RTTN: variants seen among roughly 807,000 people sequenced by gnomAD.
RTTN encodes the protein rotatin.
A neutral mutation model predicts 269.2 loss-of-function variants in RTTN; 182 were observed. The ratio of observed to expected loss-of-function variants is 0.68; its 90% CI spans 0.60 to 0.76. RTTN has a LOEUF of 0.76. Ranked by LOEUF, RTTN falls within the 30% of genes least tolerant of loss-of-function variation. The pLI is 0.00. For synonymous variants in RTTN, 1,006 were observed against 963.5 expected (o/e 1.04, Z -0.82); for missense variants, 2,545 against 2,608.6 (o/e 0.98, Z 0.53).
At chr18:70,030,186 T>C in intron 41 of RTTN, 77 bp from the exon 42 acceptor site, 1 of 939,058 alleles carries the variant, frequency 1.1e-6, no homozygotes, top group Non-Finnish European at 1.6e-6. Context: ...CCAATCAGAT[T>C]CTCAAAAAGG....
chr18:70,148,810 T>G, intron 17 of RTTN, 91 bp downstream of exon 17: 3 of 1,494,158 alleles, frequency 2.0e-6, no homozygotes, highest in South Asian at 2.4e-5. Flanking sequence ...TTAAAAATTC[T>G]TTAGTTTTGT....
At chr18:70,080,257 A>G (rs2058530201) in intron 32 of RTTN, among the ~76,000 whole-genome samples, 2 of 152,158 alleles carry the variant, frequency 1.3e-5, no homozygotes, top group South Asian at 4.1e-4. Context: ...ATGACACCCC[A>G]GGAACAATGA....
At position 70,193,329 on chromosome 18, in the gene RTTN, TCGC is replaced by T; in HGVS notation, c.963_965del (p.Arg322del). 4 of 1,611,308 alleles carry T rather than the reference TCGC, an allele frequency of 2.5e-6. No homozygotes were observed. Among genetic ancestry groups the T allele is most frequent in the Non-Finnish European group, 3.4e-6 (4 of 1,178,770 alleles). ...CCCAGTCCTGGCCATCTCCTCTGGGTCGCTGGCCTGTGCGCCCAACCACAGAAG... is the reference window on the plus strand; with the variant it reads ...CCCAGTCCTGGCCATCTCCTCTGGGTTGGCCTGTGCGCCCAACCACAGAAG... On this transcript the variant is annotated inframe_deletion, in exon 8 of 49. Coordinates refer to ENST00000640769, the MANE Select transcript of RTTN (RefSeq NM_173630.4).
At chr18:70,147,034 A>C (rs2060411980) in intron 17 of RTTN, among the ~76,000 whole-genome samples, 1 of 152,240 alleles carries the variant, frequency 6.6e-6, no homozygotes, top group African/African-American at 2.4e-5. Context: ...GTTGAGAGAC[A>C]GGTATAACCC....
chr18:70,166,922 T>G lies in RTTN; in HGVS notation c.1799A>C (p.Lys600Thr). ...LIKEIISICS[K>T]IWKSAQASPL... ...ACATTAAGAAAGAAAATATTACATC[T>G]TTGAACAAATGCTGATGATTTCCTT... is the stretch of plus-strand genomic sequence containing the variant. The change falls in exon 13 of 49, where the codon AAG becomes ACG. Residue 600 changes from lysine to threonine, a missense_variant. Physicochemically the swap from Lys to Thr is moderately conservative, Grantham distance 78 (BLOSUM62 -1). Transcript: ENST00000640769. 6.2e-7 allele frequency: 1 copy of G among 1,605,126 alleles called. No homozygotes were observed. Among genetic ancestry groups the G allele is most frequent in the Non-Finnish European group, 8.5e-7 (1 of 1,172,590 alleles).
intron 25 of RTTN, among the ~76,000 whole-genome samples, chr18:70,124,079 A>AG (rs2059803591): frequency 2.6e-5 from 4 of 152,016 alleles, no homozygotes; most frequent in African/African-American, 9.7e-5. Flanking sequence ...CTATCTAAAA[A>AG]AAAAAACAAA....
At chr18:70,133,926 A>G (rs926035210) in intron 23 of RTTN, among the ~76,000 whole-genome samples, 16 of 152,134 alleles carry the variant, frequency 1.1e-4, no homozygotes, top group African/African-American at 3.9e-4. Context: ...CAGAACCTTA[A>G]CTGGTTATTG....
intron 14 of RTTN, among the ~76,000 whole-genome samples, chr18:70,162,310 T>C (rs1325214893): frequency 6.6e-6 from 1 of 152,118 alleles, no homozygotes; most frequent in Non-Finnish European, 1.5e-5. Flanking sequence ...ACACTGCGTA[T>C]ACACATGGAT....
At chr18:70,151,909 T>C (rs1393354457) in intron 14 of RTTN, among the ~76,000 whole-genome samples, 1 of 152,128 alleles carries the variant, frequency 6.6e-6, no homozygotes, top group African/African-American at 2.4e-5. Context: ...CCACGAGTCC[T>C]CACAAGAGTT....
Position 70,028,751 on chromosome 18 carries a change from G to A in RTTN, c.5796C>T (p.Asn1932=). The change falls in exon 43 of 49, where the codon AAC becomes AAT. Residue 1932 remains asparagine (N), a synonymous_variant. Transcript: ENST00000640769. Reference sequence around the variant, plus strand: ...TACATTCCTCATTTTGATAAAGACAGTTTCTTAGGAGCTGCATGGCAATGC... The same window carrying A: ...TACATTCCTCATTTTGATAAAGACAATTTCTTAGGAGCTGCATGGCAATGC... The part of the protein sequence containing the change: ...ELSIAMQLLR[N]CLYQNEECKE... 1 of 1,610,058 alleles carries A rather than the reference G, an allele frequency of 6.2e-7. No individual in the cohort carries two copies. Among genetic ancestry groups the A allele is most frequent in the South Asian group, 1.1e-5 (1 of 90,570 alleles).
At chr18:70,141,558 G>A (rs2060256953) in intron 19 of RTTN, among the ~76,000 whole-genome samples, 1 of 152,084 alleles carries the variant, frequency 6.6e-6, no homozygotes, top group African/African-American at 2.4e-5. Context: ...TCACTCACAG[G>A]TGGGAACTGA....
intron 45 of RTTN, among the ~76,000 whole-genome samples, chr18:70,019,114 C>T (rs575699925): frequency 8.5e-5 from 13 of 152,150 alleles, no homozygotes; most frequent in South Asian, 2.1e-4. Context: ...TTGATTAATC[C>T]GTCCCTGGAA....
chr18:70,152,700 A>G (rs1351202069), intron 14 of RTTN, among the ~76,000 whole-genome samples: 1 of 152,126 alleles, frequency 6.6e-6, no homozygotes, highest in African/African-American at 2.4e-5. Flanking sequence ...TCTCATTATC[A>G]GCAAGACCAA....
chr18:70,046,384 C>T (rs997819159), intron 40 of RTTN, among the ~76,000 whole-genome samples: 32 of 152,134 alleles, frequency 2.1e-4, no homozygotes, highest in African/African-American at 2.7e-4. Context: ...AATTCTCTGA[C>T]GAGCCAAGTG....
intron 10 of RTTN, among the ~76,000 whole-genome samples, chr18:70,180,591 G>GAAA (rs34828958): frequency 4.2e-5 from 4 of 95,074 alleles, no homozygotes; most frequent in Non-Finnish European, 6.2e-5. Flanking sequence ...CTGGGGAAGA[G>GAAA]AAAAAAAAAA....
Position 70,031,858 on chromosome 18 carries a change from T to C in RTTN, c.5542-877A>G, listed in dbSNP as rs143574016. Among the ~76,000 whole-genome samples the C allele has an allele frequency of 5.1e-3, 768 of 152,000 alleles. 8 individuals carry two copies. The highest frequency in any genetic ancestry group is 0.017 in the African/African-American group (721 of 41,492). ...TGAAGGGGGAGGAAGCTGGGGACCC[T>C]GCTCGGGGCTACCAAGCACCACAAC... On this transcript the variant is annotated intron_variant, in intron 40 of 48. Coordinates refer to ENST00000640769, the MANE Select transcript of RTTN (RefSeq NM_173630.4).
chr18:70,062,807 C>T (rs899795514), intron 35 of RTTN, among the ~76,000 whole-genome samples: 1 of 151,934 alleles, frequency 6.6e-6, no homozygotes, highest in Non-Finnish European at 1.5e-5. Flanking sequence ...GAGATACAGT[C>T]TCACTATCGT....
intron 46 of RTTN, among the ~76,000 whole-genome samples, chr18:70,016,753 C>T (rs138454517): frequency 2.6e-5 from 4 of 152,068 alleles, no homozygotes; most frequent in Non-Finnish European, 5.9e-5. Context: ...GAACTCTCTC[C>T]GGTCTGCTTG....
At chr18:70,092,270 TA>T (rs1324947227) in intron 29 of RTTN, 50 bp from the exon 30 acceptor site, 1 of 1,166,284 alleles carries the variant, frequency 8.6e-7, no homozygotes, top group Admixed American at 1.8e-5. Flanking sequence ...TTTCTAAAAA[TA>T]AAATGCAGGA....
Sources: gnomAD v4.1 joint callset for allele counts (sites outside exome capture counted in the v4.1 genomes callset) on GRCh38, gnomAD v4.1.1 for gene constraint, MANE v1.5 for transcripts, NCBI Gene and HGNC (gene_info 2026-07-23, HGNC 2026-07-21) for gene names.